The following ST18 variants were observed in gnomAD, a reference collection of about 807,000 sequenced individuals.
The protein encoded by ST18 is ST18 C2H2C-type zinc finger transcription factor.
A neutral mutation model predicts 110.0 loss-of-function variants in ST18; 50 were observed. That is an observed-to-expected ratio of 0.45 (90% CI 0.36 to 0.58). The LOEUF is 0.58. Among genes scored for constraint, ST18 ranks in the 20% least tolerant of loss-of-function variants. The pLI, the probability that ST18 is intolerant of heterozygous loss-of-function variation, is 0.00. For synonymous variants in ST18, 461 were observed against 452.4 expected, an observed-to-expected ratio of 1.02 and a Z score of -0.24; for missense variants, 1,306 against 1,280.1, an observed-to-expected ratio of 1.02 and a Z score of -0.31.
At chr8:52,201,338 GT>G (rs1291821038) in intron 8 of ST18, 1 of 150,438 alleles carries the variant, frequency 6.6e-6, no homozygotes, top group South Asian at 2.1e-4. Context: ...CACTTTGTGA[GT>G]CTAGGAGTCT....
At chr8:52,236,626 A>C (rs1037779749) in intron 2 of ST18, among the ~76,000 whole-genome samples, 12 of 151,940 alleles carry the variant, frequency 7.9e-5, no homozygotes, top group Non-Finnish European at 5.9e-5. Context: ...AAAAAAAAAA[A>C]AAAACTATAT....
intron 25 of ST18, among the ~76,000 whole-genome samples, chr8:52,114,092 C>T (rs1392579835): frequency 1.3e-5 from 2 of 150,700 alleles, no homozygotes; most frequent in African/African-American, 4.9e-5. Flanking sequence ...GCCTCAGCCC[C>T]CCAAGTAGCT....
At chr8:52,241,504 C>A (rs1164915212) in intron 2 of ST18, among the ~76,000 whole-genome samples, 2 of 152,196 alleles carry the variant, frequency 1.3e-5, no homozygotes, top group Admixed American at 6.5e-5. Flanking sequence ...GCTGTGCAAA[C>A]CTGCCCTAGC....
intron 10 of ST18, among the ~76,000 whole-genome samples, chr8:52,170,464 A>AAATC (rs1352158467): frequency 2.0e-5 from 3 of 147,866 alleles, no homozygotes; most frequent in Non-Finnish European, 3.0e-5. Flanking sequence ...ATAAATAAAT[A>AAATC]AATAAATAAA....
chr8:52,135,051 A>G (rs2051429284), intron 19 of ST18, among the ~76,000 whole-genome samples: 1 of 152,234 alleles, frequency 6.6e-6, no homozygotes, highest in South Asian at 2.1e-4. Context: ...TTCTAGAAGC[A>G]AGTTTTAGAG....
intron 16 of ST18, 95 bp downstream of exon 16, chr8:52,149,637 A>G: frequency 6.8e-7 from 1 of 1,473,242 alleles, no homozygotes; most frequent in Middle Eastern, 1.8e-4. Flanking sequence ...GTATTATCTA[A>G]ACAGGAATGT....
At chr8:52,184,949 T>C (rs75727108) in intron 8 of ST18, among the ~76,000 whole-genome samples, 6,008 of 152,204 alleles carry the variant, frequency 0.039, 153 homozygotes, top group East Asian at 0.082. Context: ...TGAATCTGAA[T>C]TAAGACTAAG....
rs369367169 is a variant in ST18 at position 52,180,196 on chromosome 8, G to C, written c.203C>G (p.Ala68Gly). ...GTCACTGCGGTCTTCTTGGCAGTCT[G>C]CTTTTGGGCTGTAGTGTCGGGGCTT... The part of the protein sequence containing the change: ...LMKPRHYSPK[A>G]DCQEDRSDRT... The change falls in exon 9 of 26, where the codon GCA (alanine) becomes GGA (glycine). Residue 68 changes from alanine (A) to glycine (G), a missense_variant. By Grantham distance (60) the Ala-to-Gly change is moderately conservative. Transcript: ENST00000689386. The C allele has an allele frequency of 9.6e-5, 155 of 1,614,046 alleles. No individual in the cohort carries two copies. The highest frequency in any genetic ancestry group is 1.5e-4 in the Admixed American group (9 of 60,008).
At chr8:52,183,444 T>A (rs1309861271) in intron 8 of ST18, among the ~76,000 whole-genome samples, 1 of 152,216 alleles carries the variant, frequency 6.6e-6, no homozygotes, top group Non-Finnish European at 1.5e-5. Context: ...GAGTGTAGGA[T>A]GAAGAGGATA....
intron 2 of ST18, among the ~76,000 whole-genome samples, chr8:52,288,625 C>T (rs1011450068): frequency 3.3e-5 from 5 of 149,582 alleles, no homozygotes; most frequent in African/African-American, 7.4e-5. Context: ...ACCTGGAAAG[C>T]GGAGGTTGCA....
chr8:52,244,333 T>A (rs920423753), intron 2 of ST18, among the ~76,000 whole-genome samples: 2 of 152,134 alleles, frequency 1.3e-5, no homozygotes. Flanking sequence ...AAAATAAATA[T>A]CAGTGGGATA....
chr8:52,309,677 TATAAA>T (rs2139688376), intron 2 of ST18, among the ~76,000 whole-genome samples: 1 of 151,662 alleles, frequency 6.6e-6, no homozygotes, highest in South Asian at 2.1e-4. Context: ...GATGCAAAAA[TATAAA>T]ATAAGTAGGA....
chr8:52,338,894 A>C (rs7003939), intron 2 of ST18, among the ~76,000 whole-genome samples: 149,985 of 152,128 alleles, frequency 0.99, 73,955 homozygotes, highest in East Asian at 1. Flanking sequence ...CAAGCTACCA[A>C]ACCCAGCTAT....
chr8:52,351,781 T>C (rs1249844010), intron 2 of ST18, among the ~76,000 whole-genome samples: 2 of 152,248 alleles, frequency 1.3e-5, no homozygotes, highest in Non-Finnish European at 2.9e-5. Context: ...AGCTTTGATT[T>C]ATTTTGAGGA....
At chr8:52,144,611 C>G (rs1157215407) in intron 16 of ST18, among the ~76,000 whole-genome samples, 1 of 152,000 alleles carries the variant, frequency 6.6e-6, no homozygotes, top group Non-Finnish European at 1.5e-5. Context: ...ATTAATGAAA[C>G]CTGATTTAGT....
At chr8:52,383,629 A>C (rs1417312593) in intron 2 of ST18, among the ~76,000 whole-genome samples, 1 of 150,536 alleles carries the variant, frequency 6.6e-6, no homozygotes, top group Admixed American at 6.6e-5. Flanking sequence ...TTGTATTTTT[A>C]GTAGAGATGG....
At chr8:52,276,368 G>A (rs1037405704) in intron 2 of ST18, among the ~76,000 whole-genome samples, 67 of 140,920 alleles carry the variant, frequency 4.8e-4, no homozygotes, top group East Asian at 3.1e-3. Flanking sequence ...ACACACACAC[G>A]CCACATACTA....
chr8:52,217,698 G>C (rs2084905837), intron 6 of ST18, 48 bp downstream of exon 6: 1 of 152,124 alleles, frequency 6.6e-6, no homozygotes, highest in Admixed American at 6.5e-5. Flanking sequence ...TGAACTCTTG[G>C]GTTGAATTTG....
intron 2 of ST18, among the ~76,000 whole-genome samples, chr8:52,353,924 A>G (rs1439632487): frequency 6.6e-6 from 1 of 152,212 alleles, no homozygotes; most frequent in Non-Finnish European, 1.5e-5. Flanking sequence ...GTGTAGCTAC[A>G]AAGTCCAGAA....
Sources: allele counts gnomAD v4.1 joint callset (sites outside exome capture counted in the v4.1 genomes callset), GRCh38; gene constraint gnomAD v4.1.1; transcripts MANE v1.5; gene names NCBI Gene and HGNC (gene_info 2026-07-23, HGNC 2026-07-21).